The following FAXDC2 variants were observed in gnomAD, a reference collection of about 807,000 sequenced individuals.
FAXDC2 encodes fatty acid hydroxylase domain-containing protein 2.
FAXDC2 carries 41 observed loss-of-function variants against 40.9 expected under a neutral mutation model. That is an observed-to-expected ratio of 1.00 (90% CI 0.78 to 1.30). The LOEUF (loss-of-function observed/expected upper bound fraction) is 1.30. Ranked by LOEUF, FAXDC2 falls within the 50% of genes most tolerant of loss-of-function variation. The pLI is 0.00. For synonymous variants in FAXDC2, 157 were observed against 149.3 expected (o/e 1.05, Z -0.38); for missense variants, 390 against 408.8 (o/e 0.95, Z 0.40).
intron 5 of FAXDC2, 87 bp downstream of exon 5, chr5:154,830,714 C>G: frequency 6.6e-7 from 1 of 1,509,392 alleles, no homozygotes; most frequent in South Asian, 1.2e-5. Flanking sequence ...CTGGCCAGGT[C>G]TCTCCTGGGC....
At chr5:154,849,203 C>G (rs1760676685) in intron 1 of FAXDC2, among the ~76,000 whole-genome samples, 1 of 151,956 alleles carries the variant, frequency 6.6e-6, no homozygotes, top group Non-Finnish European at 1.5e-5. Context: ...TCTCTTGAAC[C>G]CAGGAGGTGG....
rs368062691 is a variant in FAXDC2 at position 154,831,059 on chromosome 5, C to T, written c.245-137G>A. 7.3e-5 allele frequency: 71 copies of T among 971,026 alleles called. No individual in the cohort carries two copies. The African/African-American group carries it at 1.0e-3, about 14-fold the overall frequency. 60.2% of individuals were successfully genotyped at this position (971,026 alleles called of 1,614,324 possible). A position where few individuals can be genotyped will look rare whatever the true frequency, so the allele number is the denominator to read the frequency against. On this transcript the variant is annotated intron_variant, in intron 4 of 8. Coordinates refer to ENST00000326080, the MANE Select transcript of FAXDC2 (RefSeq NM_032385.5). ...CCAGGGAGGTCTTAGGGCTTGGGAC[C>T]AAGGGGTTACCTGTAGTCTTGGGTA...
intron 1 of FAXDC2, among the ~76,000 whole-genome samples, chr5:154,839,326 A>AAC (rs1491266102): frequency 2.3e-5 from 3 of 132,200 alleles, no homozygotes; most frequent in Non-Finnish European, 4.8e-5. Context: ...ACTCCATCTC[A>AAC]AAAAAAAAAA....
intron 5 of FAXDC2, among the ~76,000 whole-genome samples, chr5:154,830,092 G>T (rs142512407): frequency 1.3e-5 from 2 of 152,324 alleles, no homozygotes; most frequent in African/African-American, 4.8e-5. Context: ...AAAGATGATT[G>T]TCTTGTCTGG....
chr5:154,820,784 TG>T (rs1759865711), intron 8 of FAXDC2: 2 of 281,564 alleles, frequency 7.1e-6, no homozygotes, highest in East Asian at 1.8e-4. Context: ...CAGAATCCCC[TG>T]GAACACTTAA....
intron 1 of FAXDC2, among the ~76,000 whole-genome samples, chr5:154,848,310 C>A (rs1482194390): frequency 6.6e-6 from 1 of 152,168 alleles, no homozygotes; most frequent in African/African-American, 2.4e-5. Flanking sequence ...GGAGGAAGCC[C>A]TAGTTAGTAG....
Position 154,823,387 on chromosome 5 carries a change from C to T in FAXDC2, c.572G>A (p.Arg191Gln), listed in dbSNP as rs201981217. 1.7e-4 allele frequency: 267 copies of T among 1,613,006 alleles called. No individual in the cohort carries two copies. In the African/African-American group the frequency reaches 3.0e-3, roughly 18 times the overall value. Reference protein sequence around the residue: ...IEEVLFYYSHRLLHHPTFYKK... With the variant: ...IEEVLFYYSHQLLHHPTFYKK... ...TGTGCCTCAGGCAGGGCCTGCTCAC[C>T]GGTGTGAATAGTAGAACAAGACTTC... The change falls in exon 6 of 9, where the codon CGG becomes CAG. Residue 191 changes from arginine (R) to glutamine (Q), a missense_variant and splice_region_variant. Physicochemically the swap from Arg to Gln is conservative, Grantham distance 43 (BLOSUM62 1). Transcript: ENST00000326080.
At chr5:154,838,430 T>C (rs1760405849) in intron 1 of FAXDC2, 3 of 478,502 alleles carry the variant, frequency 6.3e-6, no homozygotes. Flanking sequence ...GTCTACCAAC[T>C]ACAAAAAATG....
chr5:154,850,558 C>G lies in FAXDC2; in HGVS notation c.-76G>C, dbSNP rs569313715. The G allele has an allele frequency of 6.6e-6, 1 of 152,508 alleles. No individual in the cohort carries two copies. Among genetic ancestry groups the G allele is most frequent in the South Asian group, 2.1e-4 (1 of 4,824 alleles). 9.4% of individuals were successfully genotyped at this position (152,508 alleles called of 1,614,324 possible). A position where few individuals can be genotyped will look rare whatever the true frequency, so the allele number is the denominator to read the frequency against. On this transcript the variant is annotated 5_prime_UTR_variant, in exon 1 of 9. Transcript: ENST00000326080. The stretch of plus-strand genomic sequence containing the variant: ...CTAAGTTCTCTTCCCTTTCAGCCCC[C>G]GCTTTGGTGGCTGTTGCTGCTGCGG...
Position 154,822,441 on chromosome 5 carries a change from T to C in FAXDC2, c.678+31A>G. ...GGAAGGTGGTTGGGGCCATCTGCCC[T>C]TTGCTCTGGGGAGCATAGAGCTCTA... On this transcript the variant is annotated intron_variant, in intron 7 of 8. Transcript: ENST00000326080. 3 of 1,546,336 alleles carry C rather than the reference T, an allele frequency of 1.9e-6. No individual in the cohort carries two copies. In the South Asian group the frequency reaches 3.3e-5, roughly 17 times the overall value.
chr5:154,849,302 A>C (rs1290820264), intron 1 of FAXDC2, among the ~76,000 whole-genome samples: 1 of 152,162 alleles, frequency 6.6e-6, no homozygotes, highest in Non-Finnish European at 1.5e-5. Flanking sequence ...AAACAAAAAC[A>C]GAAGATGAAA....
chr5:154,847,985 G>A (rs1437284631), intron 1 of FAXDC2, among the ~76,000 whole-genome samples: 1 of 151,560 alleles, frequency 6.6e-6, no homozygotes, highest in Non-Finnish European at 1.5e-5. Flanking sequence ...GACCACAGGT[G>A]CCTGCCACCA....
chr5:154,846,079 A>G (rs1442544211), intron 1 of FAXDC2, among the ~76,000 whole-genome samples: 2 of 151,652 alleles, frequency 1.3e-5, no homozygotes, highest in Non-Finnish European at 2.9e-5. Context: ...TGGGATTACA[A>G]GCGTGAGCCA....
At chr5:154,842,917 C>A (rs1760515181) in intron 1 of FAXDC2, among the ~76,000 whole-genome samples, 1 of 151,978 alleles carries the variant, frequency 6.6e-6, no homozygotes, top group African/African-American at 2.4e-5. Context: ...AAGAGATCCT[C>A]CTGCCTCAGC....
In FAXDC2 at chr5:154,834,926, G is replaced by A; in HGVS notation, c.57C>T (p.His19=). 6.3e-7 allele frequency: 1 copy of A among 1,596,772 alleles called. No individual in the cohort carries two copies. Among genetic ancestry groups the A allele is most frequent in the South Asian group, 1.1e-5 (1 of 88,662 alleles). ...LHNEKSKQEG[H]IWGSMRRTAF... is the part of the protein sequence containing the mutation. ...CTGTCCTCCTCATAGAGCCCCAGAT[G>A]TGTCCCTCCTGGAGGAGGGCAGGGA... Residue 19 remains histidine (H), a synonymous_variant, in exon 3 of 9, where the codon CAC becomes CAT. Coordinates refer to ENST00000326080, the MANE Select transcript of FAXDC2 (RefSeq NM_032385.5).
chr5:154,818,541 G>A lies in FAXDC2; in HGVS notation c.*1775C>T, dbSNP rs749325076. The A allele has an allele frequency of 2.6e-5, 4 of 152,112 alleles. No homozygotes were observed. The highest frequency in any genetic ancestry group is 5.9e-5 in the Non-Finnish European group (4 of 68,026). 9.4% of individuals were successfully genotyped at this position (152,112 alleles called of 1,614,324 possible). A position where few individuals can be genotyped will look rare whatever the true frequency, so the allele number is the denominator to read the frequency against. On this transcript the variant is annotated 3_prime_UTR_variant, in exon 9 of 9. Coordinates refer to ENST00000326080, the MANE Select transcript of FAXDC2 (RefSeq NM_032385.5). ...ATGCTTGCTTTCACATTCTTTACTG[G>A]GAATTTAAGGCCTTTTTTCAGCCTT... is the stretch of plus-strand genomic sequence containing the variant.
chr5:154,830,868 A>G lies in FAXDC2; in HGVS notation c.299T>C (p.Val100Ala). ...GTTAGGTTTTCCTGTTGTGTCAACC[A>G]CCAATAGAAGCCCATTGAAGCTCCA... ...FFWSFNGLLL[V>A]VDTTGKPNFI... The change falls in exon 5 of 9, where the codon GTG (valine) becomes GCG (alanine). Residue 100 changes from valine to alanine, a missense_variant. By Grantham distance (64) the Val-to-Ala change is moderately conservative. Transcript: ENST00000326080. The G allele has an allele frequency of 6.2e-7, 1 of 1,614,164 alleles. No individual in the cohort carries two copies. Among genetic ancestry groups the G allele is most frequent in the Non-Finnish European group, 8.5e-7 (1 of 1,179,986 alleles).
intron 1 of FAXDC2, among the ~76,000 whole-genome samples, chr5:154,846,954 C>T (rs1469506208): frequency 6.6e-6 from 1 of 151,022 alleles, no homozygotes; most frequent in Admixed American, 6.6e-5. Flanking sequence ...TAGTGTGAAC[C>T]AAGGATTTTA....
chr5:154,838,021 C>A, intron 2 of FAXDC2, 110 bp downstream of exon 2: 1 of 733,438 alleles, frequency 1.4e-6, no homozygotes, highest in South Asian at 1.6e-5. Flanking sequence ...TACCATGTGT[C>A]AGCCACCCCT....
Sources: gnomAD v4.1 joint callset for allele counts (sites outside exome capture counted in the v4.1 genomes callset) on GRCh38, gnomAD v4.1.1 for gene constraint, MANE v1.5 for transcripts, NCBI Gene and HGNC (gene_info 2026-07-23, HGNC 2026-07-21) for gene names.